The following ADAMTS12 variants were observed in gnomAD, a reference collection of about 807,000 sequenced individuals.
ADAMTS12 encodes A disintegrin and metalloproteinase with thrombospondin motifs 12.
In ADAMTS12, 118 loss-of-function variants were observed where a neutral mutation model predicts 167.8. The ratio of observed to expected loss-of-function variants is 0.70; its 90% CI spans 0.61 to 0.82. The LOEUF is 0.82. Among genes scored for constraint, ADAMTS12 ranks in the 40% least tolerant of loss-of-function variants. The pLI is 0.00. For synonymous variants in ADAMTS12, 704 were observed against 716.9 expected, an observed-to-expected ratio of 0.98 and a Z score of 0.29; for missense variants, 1,916 against 1,998.8, an observed-to-expected ratio of 0.96 and a Z score of 0.79.
intron 16 of ADAMTS12, chr5:33,603,609 G>A (rs531978557): frequency 1.1e-4 from 16 of 152,280 alleles, no homozygotes; most frequent in South Asian, 8.3e-4. Flanking sequence ...TGTCACTGGT[G>A]TTCTCTGAGA....
At chr5:33,593,209 T>C (rs1414844566) in intron 17 of ADAMTS12, among the ~76,000 whole-genome samples, 2 of 152,158 alleles carry the variant, frequency 1.3e-5, no homozygotes, top group African/African-American at 4.8e-5. Flanking sequence ...CCTGGAGGCA[T>C]GACTTAGTTT....
intron 2 of ADAMTS12, among the ~76,000 whole-genome samples, chr5:33,839,450 C>T (rs6881432): frequency 0.043 from 6,568 of 152,152 alleles, 227 homozygotes; most frequent in East Asian, 0.17. Context: ...GTGTCCTTTC[C>T]ACATCTGTGC....
In ADAMTS12 at chr5:33,588,609, T is replaced by C; in HGVS notation, c.2855A>G (p.Asn952Ser). The change falls in exon 18 of 24, where the codon AAC (asparagine) becomes AGC (serine). Residue 952 changes from asparagine to serine, a missense_variant. Transcript: ENST00000504830. ...GAGCCCTGAGCTCACCTCACTCCAGTTGCCCACTGTCCAGTCCGAGGGGCA... is the reference window on the plus strand; with the variant it reads ...GAGCCCTGAGCTCACCTCACTCCAGCTGCCCACTGTCCAGTCCGAGGGGCA... ...ILCPSDWTVG[N>S]WSECSVSCGG... 6.2e-7 allele frequency: 1 copy of C among 1,614,156 alleles called. No individual in the cohort carries two copies. Among genetic ancestry groups the C allele is most frequent in the South Asian group, 1.1e-5 (1 of 91,080 alleles).
chr5:33,874,707 C>T (rs909109488), intron 2 of ADAMTS12, among the ~76,000 whole-genome samples: 3 of 152,124 alleles, frequency 2.0e-5, no homozygotes, highest in Non-Finnish European at 4.4e-5. Flanking sequence ...TGAATGAATA[C>T]ACAAACTGTA....
At chr5:33,546,386 A>AT (rs1561116198) in intron 21 of ADAMTS12, among the ~76,000 whole-genome samples, 184 bp from the exon 22 acceptor site, 1 of 151,174 alleles carries the variant, frequency 6.6e-6, no homozygotes. Flanking sequence ...AAAAAAAAAA[A>AT]GGGGGGGAAA....
chr5:33,529,318 C>G (rs998447056), intron 23 of ADAMTS12, among the ~76,000 whole-genome samples: 5 of 152,176 alleles, frequency 3.3e-5, no homozygotes, highest in Admixed American at 6.5e-5. Flanking sequence ...CAGGGACCAC[C>G]CCCACACATT....
At chr5:33,711,714 T>C (rs567804179) in intron 3 of ADAMTS12, among the ~76,000 whole-genome samples, 1 of 152,306 alleles carries the variant, frequency 6.6e-6, no homozygotes, top group Non-Finnish European at 1.5e-5. Context: ...TCTGAAAATG[T>C]CTAGAGTTAG....
At chr5:33,530,644 C>T (rs1027226773) in intron 23 of ADAMTS12, among the ~76,000 whole-genome samples, 6 of 152,162 alleles carry the variant, frequency 3.9e-5, no homozygotes, top group African/African-American at 1.2e-4. Flanking sequence ...TGACAGCAAC[C>T]GTTCCACAAA....
chr5:33,547,713 T>C (rs866240714), intron 21 of ADAMTS12, among the ~76,000 whole-genome samples: 3 of 152,174 alleles, frequency 2.0e-5, no homozygotes, highest in Non-Finnish European at 4.4e-5. Context: ...AGGTTCCTGA[T>C]GGCGATCCGA....
chr5:33,543,415 C>G (rs539459817), intron 22 of ADAMTS12, among the ~76,000 whole-genome samples: 2 of 152,062 alleles, frequency 1.3e-5, no homozygotes, highest in Non-Finnish European at 2.9e-5. Flanking sequence ...AGGATTCACA[C>G]GCGAATTCTA....
intron 2 of ADAMTS12, among the ~76,000 whole-genome samples, chr5:33,807,978 A>T (rs370133903): frequency 6.6e-6 from 1 of 152,330 alleles, no homozygotes; most frequent in East Asian, 1.9e-4. Context: ...AAGTGATTAC[A>T]GCATATTGGA....
intron 19 of ADAMTS12, among the ~76,000 whole-genome samples, chr5:33,571,745 AT>A (rs1215558096): frequency 1.3e-5 from 2 of 149,942 alleles, no homozygotes; most frequent in African/African-American, 4.9e-5. Flanking sequence ...AATAACTAAA[AT>A]CAGAGCAGAA....
intron 2 of ADAMTS12, among the ~76,000 whole-genome samples, chr5:33,834,545 G>A (rs1317200662): frequency 6.6e-6 from 1 of 152,158 alleles, no homozygotes; most frequent in Non-Finnish European, 1.5e-5. Context: ...AGGAACCCAT[G>A]ACCCTCTATG....
At chr5:33,656,398 G>A (rs1469585899) in intron 7 of ADAMTS12, among the ~76,000 whole-genome samples, 2 of 152,252 alleles carry the variant, frequency 1.3e-5, no homozygotes, top group East Asian at 3.9e-4. Flanking sequence ...TGTTTACTTA[G>A]GTGGCCTTCC....
chr5:33,537,536 C>T (rs1434751733), intron 22 of ADAMTS12, among the ~76,000 whole-genome samples: 1 of 152,158 alleles, frequency 6.6e-6, no homozygotes, highest in African/African-American at 2.4e-5. Flanking sequence ...TTCTTGCTAC[C>T]CATACATACC....
intron 2 of ADAMTS12, among the ~76,000 whole-genome samples, chr5:33,832,136 G>C (rs2166376): frequency 0.026 from 3,963 of 152,310 alleles, 175 homozygotes; most frequent in African/African-American, 0.089. Flanking sequence ...ACACGAAAAG[G>C]TGTGAACAGT....
At position 33,527,174 on chromosome 5, in the gene ADAMTS12, G is replaced by T. The variant is rs1175226573; in HGVS notation, c.*14C>A. 1 of 1,613,684 alleles carries T rather than the reference G, an allele frequency of 6.2e-7. No individual in the cohort carries two copies. ...GGCTGCTGCAGTCTGGTGGAAGCTG[G>T]CTTCCTTTTGGGCTTAGAGTTCTTT... On this transcript the variant is annotated 3_prime_UTR_variant, in exon 24 of 24. Coordinates refer to ENST00000504830, the MANE Select transcript of ADAMTS12 (RefSeq NM_030955.4).
At position 33,542,426 on chromosome 5, in the gene ADAMTS12, A is replaced by T. The variant is rs554334729; in HGVS notation, c.4446+3633T>A. 8.5e-5 allele frequency among the ~76,000 whole-genome samples: 13 copies of T among 152,202 alleles called. No homozygotes were observed. In the South Asian group the frequency reaches 2.7e-3, roughly 32 times the overall value. On this transcript the variant is annotated intron_variant, in intron 22 of 23. Transcript: ENST00000504830. ...CACAATAATAATGGGAGACTTTAACACCCCACTGTCAATATTAGACAGATC... is the reference window on the plus strand; with the variant it reads ...CACAATAATAATGGGAGACTTTAACTCCCCACTGTCAATATTAGACAGATC...
Position 33,624,320 on chromosome 5 carries a change from T to A in ADAMTS12, c.2054A>T (p.Asn685Ile), listed in dbSNP as rs200095295. 2 of 1,613,896 alleles carry A rather than the reference T, an allele frequency of 1.2e-6. No individual in the cohort carries two copies. The highest frequency in any genetic ancestry group is 2.7e-5 in the African/African-American group (2 of 74,916). Residue 685 changes from asparagine (N) to isoleucine (I), a missense_variant, in exon 14 of 24, where the codon AAT becomes ATT. Transcript: ENST00000504830. The part of the protein sequence containing the change: ...MVGCDYEIDS[N>I]ATEDRCGVCL... ...CACACCGCAGCGATCCTCGGTGGCA[T>A]TGGAATCGATCTCATAGTCACAGCC...
Sources: gnomAD v4.1 joint callset for allele counts (sites outside exome capture counted in the v4.1 genomes callset) on GRCh38, gnomAD v4.1.1 for gene constraint, MANE v1.5 for transcripts, NCBI Gene and HGNC (gene_info 2026-07-23, HGNC 2026-07-21) for gene names.